The following PTDSS2 variants were observed in gnomAD, a reference collection of about 807,000 sequenced individuals.
PTDSS2 encodes phosphatidylserine synthase 2.
Under a neutral mutation model 64.7 loss-of-function variants are expected in PTDSS2, and 41 were observed. The ratio of observed to expected loss-of-function variants is 0.63; its 90% CI spans 0.49 to 0.82. The LOEUF (loss-of-function observed/expected upper bound fraction) is 0.82, where lower values mean the gene tolerates loss of function less well. PTDSS2 is among the 40% of genes least tolerant of loss of function. The pLI is 0.00. For synonymous variants in PTDSS2, 297 were observed against 277.8 expected (o/e 1.07, Z -0.69); for missense variants, 485 against 650.0 (o/e 0.75, Z 2.76).
At position 488,517 on chromosome 11, in the gene PTDSS2, C is replaced by G. The variant is rs368763892; in HGVS notation, c.736-12C>G. 6.2e-7 allele frequency: 1 copy of G among 1,608,108 alleles called. No individual in the cohort carries two copies. The highest frequency in any genetic ancestry group is 1.3e-5 in the African/African-American group (1 of 74,836). ...CCTCACCCCTGCAACGAGTGCTGGC[C>G]CCTCCCTGCAGTGGATCATGGACGT... On this transcript the variant is annotated splice_polypyrimidine_tract_variant and intron_variant, in intron 7 of 11. Transcript: ENST00000308020.
At chr11:455,650 C>T (rs1020037969) in intron 1 of PTDSS2, among the ~76,000 whole-genome samples, 1 of 152,214 alleles carries the variant, frequency 6.6e-6, no homozygotes, top group Non-Finnish European at 1.5e-5. Context: ...AGGCTGAGCC[C>T]GAGAGTGCTT....
intron 4 of PTDSS2, among the ~76,000 whole-genome samples, chr11:481,531 T>A (rs1848071729): frequency 6.6e-6 from 1 of 152,358 alleles, no homozygotes; most frequent in South Asian, 2.1e-4. Context: ...CTTCCAACAA[T>A]GTGTTACAGT....
At chr11:454,511 C>T (rs868716367) in intron 1 of PTDSS2, among the ~76,000 whole-genome samples, 25 of 152,246 alleles carry the variant, frequency 1.6e-4, no homozygotes, top group Middle Eastern at 3.4e-3. Context: ...AGGTCTCTGT[C>T]GTGGAAAGTC....
intron 8 of PTDSS2, 41 bp downstream of exon 8, chr11:488,688 T>TA (rs1564997709): frequency 6.9e-7 from 1 of 1,445,080 alleles, no homozygotes; most frequent in Non-Finnish European, 9.7e-7. Flanking sequence ...GGGTGGGGGT[T>TA]ACCTGGAGGC....
rs1395917418 is a variant in PTDSS2 at position 460,266 on chromosome 11, G to A, written c.262G>A (p.Asp88Asn). 6.2e-7 allele frequency: 1 copy of A among 1,614,098 alleles called. No individual in the cohort carries two copies. Among genetic ancestry groups the A allele is most frequent in the Admixed American group, 1.7e-5 (1 of 60,012 alleles). Residue 88 changes from aspartate (D) to asparagine (N), a missense_variant, in exon 2 of 12, where the codon GAC (aspartate) becomes AAC (asparagine). By Grantham distance (23) the Asp-to-Asn change is conservative. Coordinates refer to ENST00000308020, the MANE Select transcript of PTDSS2 (RefSeq NM_030783.3). This position sits in a 1 kb window ranked among gnomAD's most constrained non-coding sequence, Gnocchi z 5.8. ...GACGCTGCTGGAGGAAACACCTCAG[G>A]ACACGGCCTACAACACCAAGAGGTA... ...YVTLLEETPQ[D>N]TAYNTKRGIV...
intron 1 of PTDSS2, among the ~76,000 whole-genome samples, chr11:452,701 C>G (rs569785664): frequency 4.7e-4 from 71 of 152,224 alleles, no homozygotes; most frequent in African/African-American, 1.7e-3. Context: ...TGTGCCTCCT[C>G]CCTTCCCTGT....
At position 474,389 on chromosome 11, in the gene PTDSS2, G is replaced by A. The variant is rs183347795; in HGVS notation, c.367+412G>A. Among the ~76,000 whole-genome samples the A allele has an allele frequency of 7.6e-3, 1,149 of 150,886 alleles. 20 individuals carry two copies. The highest frequency in any genetic ancestry group is 0.027 in the African/African-American group (1,103 of 40,934). On this transcript the variant is annotated intron_variant, in intron 3 of 11. Coordinates refer to ENST00000308020, the MANE Select transcript of PTDSS2 (RefSeq NM_030783.3). The stretch of plus-strand genomic sequence containing the variant: ...GTGGGACTCTGAGACCAGAGGGGGC[G>A]GGGGTGGGTGAGGGCGCCAGATGGG...
At position 489,260 on chromosome 11, in the gene PTDSS2, G is replaced by A. The variant is rs540632597; in HGVS notation, c.855-140G>A. 405 of 686,312 alleles carry A rather than the reference G, an allele frequency of 5.9e-4. 7 individuals are homozygous for A. In the South Asian group the frequency reaches 7.0e-3, roughly 12 times the overall value. 42.5% of individuals were successfully genotyped at this position (686,312 alleles called of 1,614,324 possible). A position where few individuals can be genotyped will look rare whatever the true frequency, so the allele number is the denominator to read the frequency against. The stretch of plus-strand genomic sequence containing the variant: ...AGAGTCTGTGGCCCGATGGCACAGG[G>A]CGGGGCGGGGTGACCAAGAGCAGAG... On this transcript the variant is annotated intron_variant, in intron 8 of 11. Transcript: ENST00000308020.
At position 487,088 on chromosome 11, in the gene PTDSS2, G is replaced by T; in HGVS notation, c.570+15G>T. The stretch of plus-strand genomic sequence containing the variant: ...ACAACATCTGGGTAAGACGCCGGGG[G>T]CCCTGAGGCGAGCCCCTCCCCAGGT... On this transcript the variant is annotated intron_variant, in intron 5 of 11. Coordinates refer to ENST00000308020, the MANE Select transcript of PTDSS2 (RefSeq NM_030783.3). 6.2e-7 allele frequency: 1 copy of T among 1,607,472 alleles called. No homozygotes were observed. Among genetic ancestry groups the T allele is most frequent in the Non-Finnish European group, 8.5e-7 (1 of 1,176,818 alleles).
At chr11:472,147 G>A (rs1398948013) in intron 2 of PTDSS2, among the ~76,000 whole-genome samples, 3 of 152,298 alleles carry the variant, frequency 2.0e-5, no homozygotes, top group African/African-American at 4.8e-5. Flanking sequence ...CCTGCACCGG[G>A]AGCAGCTTCC....
At position 462,328 on chromosome 11, in the gene PTDSS2, G is replaced by A. The variant is rs1185378474; in HGVS notation, c.284+2040G>A. The stretch of plus-strand genomic sequence containing the variant: ...GAGTGGCCCCCGACGTGAGAGGCTG[G>A]GTTCTGCCATCCTGTCCTCTCCAGC... On this transcript the variant is annotated intron_variant, in intron 2 of 11. Transcript: ENST00000308020. This position sits in a 1 kb window ranked among gnomAD's most constrained non-coding sequence, Gnocchi z 4.5. 6.6e-6 allele frequency among the ~76,000 whole-genome samples: 1 copy of A among 152,138 alleles called. No individual in the cohort carries two copies. The highest frequency in any genetic ancestry group is 2.4e-5 in the African/African-American group (1 of 41,440).
At chr11:457,260 C>G (rs1362352878) in intron 1 of PTDSS2, among the ~76,000 whole-genome samples, 2 of 152,224 alleles carry the variant, frequency 1.3e-5, no homozygotes, top group Non-Finnish European at 2.9e-5. Flanking sequence ...GTGACACGCC[C>G]ATGCACCGCC....
At chr11:455,869 C>T (rs968622354) in intron 1 of PTDSS2, among the ~76,000 whole-genome samples, 3 of 152,196 alleles carry the variant, frequency 2.0e-5, no homozygotes, top group African/African-American at 7.2e-5. Context: ...AAGGAAGGCT[C>T]AGGAACGCAG....
intron 4 of PTDSS2, among the ~76,000 whole-genome samples, chr11:485,665 C>A (rs570006789): frequency 7.2e-6 from 1 of 138,084 alleles, no homozygotes; most frequent in Non-Finnish European, 1.5e-5. Context: ...TGTGCGCAGG[C>A]GAGTTTAAAC....
chr11:489,830 G>A (rs1041272658), intron 10 of PTDSS2, 53 bp from the exon 11 acceptor site: 53 of 1,545,522 alleles, frequency 3.4e-5, no homozygotes, highest in African/African-American at 9.5e-5. Flanking sequence ...GGGCAAGTCC[G>A]CCTGGAGGAC....
intron 11 of PTDSS2, 123 bp from the exon 12 acceptor site, chr11:490,297 C>G (rs1848614678): frequency 2.9e-6 from 4 of 1,402,194 alleles, no homozygotes; most frequent in Middle Eastern, 2.1e-4. Context: ...GTCCCAGGGC[C>G]AGGGTACCCG....
At chr11:484,004 C>T (rs1379753998) in intron 4 of PTDSS2, among the ~76,000 whole-genome samples, 1 of 152,212 alleles carries the variant, frequency 6.6e-6, no homozygotes, top group East Asian at 1.9e-4. Flanking sequence ...AGGGGAGTTT[C>T]GTTGCCCCCC....
At position 450,462 on chromosome 11, in the gene PTDSS2, A is replaced by C. The variant is rs751369515; in HGVS notation, c.7A>C (p.Arg3=). 32 of 1,228,700 alleles carry C rather than the reference A, an allele frequency of 2.6e-5. No individual in the cohort carries two copies. The highest frequency in any genetic ancestry group is 3.2e-5 in the Non-Finnish European group (31 of 982,954). The allele number at this position is 1,228,700 out of a possible 1,614,324, so 76.1% of individuals were successfully genotyped here. MR[R]GERRDAGGPR... is the part of the protein sequence containing the mutation. Reference sequence around the variant, plus strand: ...GGCTCCGGGCCGAAACGCCATGCGGAGGGGCGAGCGCAGGGACGCCGGAGG... The same window carrying C: ...GGCTCCGGGCCGAAACGCCATGCGGCGGGGCGAGCGCAGGGACGCCGGAGG... The change falls in exon 1 of 12, where the codon AGG becomes CGG. Residue 3 remains arginine (R), a synonymous_variant. Transcript: ENST00000308020.
At chr11:466,740 G>A (rs540719416) in intron 2 of PTDSS2, among the ~76,000 whole-genome samples, 160 of 152,106 alleles carry the variant, frequency 1.1e-3, no homozygotes, top group Non-Finnish European at 1.7e-3. Flanking sequence ...ATCAGCTCTC[G>A]TGAGACTCCC....
Sources: gnomAD v4.1 joint callset for allele counts (sites outside exome capture counted in the v4.1 genomes callset) on GRCh38, gnomAD v4.1.1 for gene constraint, Gnocchi (gnomAD v3.1) non-coding constraint, MANE v1.5 for transcripts, NCBI Gene and HGNC (gene_info 2026-07-23, HGNC 2026-07-21) for gene names.